Variants in VPS36 observed in about 807,000 individuals in gnomAD.
VPS36 encodes the protein vacuolar protein sorting 36 homolog.
VPS36 carries 31 observed loss-of-function variants against 63.5 expected under a neutral mutation model. The observed-to-expected ratio is 0.49, with a 90% CI of 0.37 to 0.66. VPS36 has a LOEUF of 0.66. VPS36 is among the 30% of genes least tolerant of loss of function. VPS36 has a pLI of 0.00. For missense variants in VPS36, 338 were observed against 463.7 expected, an observed-to-expected ratio of 0.73 and a Z score of 2.49; for synonymous variants, 138 against 157.2, an observed-to-expected ratio of 0.88 and a Z score of 0.91.
At chr13:52,436,060 T>A (rs1028614471) in intron 4 of VPS36, 3 of 401,640 alleles carry the variant, frequency 7.5e-6, no homozygotes, top group African/African-American at 6.0e-5. Flanking sequence ...TGTTCCTTCC[T>A]TGGGAACACA....
intron 6 of VPS36, among the ~76,000 whole-genome samples, chr13:52,428,463 A>G (rs1295757958): frequency 6.6e-6 from 1 of 152,172 alleles, no homozygotes; most frequent in Admixed American, 6.5e-5. Context: ...CTTATGGCCA[A>G]CTCACTAAGG....
rs567274980 is a variant in VPS36, at chr13:52,423,903, G to A, written c.775-264C>T. ...GATGGAGTTTCTCTCTGTCACCCAG[G>A]CCAGAGTGCAGTGGTACAATCTCAG... is the stretch of plus-strand genomic sequence containing the variant. On this transcript the variant is annotated intron_variant, in intron 9 of 13. Transcript: ENST00000378060. Among the ~76,000 whole-genome samples, 132 of 151,714 alleles carry A rather than the reference G, an allele frequency of 8.7e-4. 6 individuals are homozygous for A. The South Asian group carries it at 0.025, about 29-fold the overall frequency.
At chr13:52,439,392 C>G (rs1376707177) in intron 2 of VPS36, among the ~76,000 whole-genome samples, 1 of 152,024 alleles carries the variant, frequency 6.6e-6, no homozygotes, top group Non-Finnish European at 1.5e-5. Context: ...TTAAAAGAAG[C>G]TGTAACTAGC....
At chr13:52,443,440 A>C (rs1958301410) in intron 1 of VPS36, among the ~76,000 whole-genome samples, 1 of 152,164 alleles carries the variant, frequency 6.6e-6, no homozygotes, top group Non-Finnish European at 1.5e-5. Context: ...AAGAAGAGGA[A>C]GAGACAGGAG....
Position 52,416,035 on chromosome 13 carries a change from A to G in VPS36, c.1049T>C (p.Val350Ala), listed in dbSNP as rs1360048118. ...TACTTACCTTTCTTTGGCTAGGAGG[A>G]CAGACATTCCCACAAGCTTAGCAAA... ...EEFAKLVGMS[V>A]LLAKERLLLA... Residue 350 changes from valine (V) to alanine (A), a missense_variant, in exon 13 of 14, where the codon GTC becomes GCC. Val to Ala is a moderately conservative substitution (Grantham distance 64). Transcript: ENST00000378060. 2 of 1,613,950 alleles carry G rather than the reference A, an allele frequency of 1.2e-6. No homozygotes were observed. Among genetic ancestry groups the G allele is most frequent in the South Asian group, 1.1e-5 (1 of 91,060 alleles).
chr13:52,427,520 T>G (rs1175161462), intron 6 of VPS36, among the ~76,000 whole-genome samples: 1 of 151,492 alleles, frequency 6.6e-6, no homozygotes, highest in Non-Finnish European at 1.5e-5. Context: ...GGCAGGAGAA[T>G]GGCGTTAACC....
At chr13:52,416,309 G>A (rs1315799580) in intron 12 of VPS36, 14 of 532,992 alleles carry the variant, frequency 2.6e-5, no homozygotes, top group Non-Finnish European at 6.6e-6. Flanking sequence ...AGACATAGTA[G>A]AGGCTCAAAT....
chr13:52,448,094 T>C (rs1234660067), intron 1 of VPS36, among the ~76,000 whole-genome samples: 1 of 152,172 alleles, frequency 6.6e-6, no homozygotes, highest in Non-Finnish European at 1.5e-5. Context: ...AGCTAGGAGA[T>C]ACAAGGATGA....
intron 1 of VPS36, among the ~76,000 whole-genome samples, chr13:52,443,904 T>C (rs557082858): frequency 6.6e-6 from 1 of 152,172 alleles, no homozygotes; most frequent in Non-Finnish European, 1.5e-5. Context: ...TATTGGAAGC[T>C]ATTAACTCGA....
intron 10 of VPS36, among the ~76,000 whole-genome samples, chr13:52,422,187 G>T (rs779284161): frequency 9.9e-5 from 15 of 152,026 alleles, no homozygotes; most frequent in Non-Finnish European, 2.1e-4. Flanking sequence ...AGCTTTTTTA[G>T]CTCGCACATG....
chr13:52,450,205 T>C (rs1296361036), intron 1 of VPS36: 5 of 1,050,158 alleles, frequency 4.8e-6, no homozygotes, highest in Non-Finnish European at 5.7e-6. Flanking sequence ...ACTGCAGCTG[T>C]GCGCTCCCGG....
intron 6 of VPS36, 31 bp from the exon 7 acceptor site, chr13:52,427,250 C>A: frequency 6.2e-7 from 1 of 1,604,100 alleles, no homozygotes; most frequent in Non-Finnish European, 8.5e-7. Context: ...TGGTTGAAAT[C>A]CATCTAAAGA....
At chr13:52,424,938 A>T (rs1958084279) in intron 9 of VPS36, among the ~76,000 whole-genome samples, 1 of 151,622 alleles carries the variant, frequency 6.6e-6, no homozygotes, top group African/African-American at 2.4e-5. Context: ...CAGTGAGCTG[A>T]GATTGCGCCA....
intron 6 of VPS36, among the ~76,000 whole-genome samples, chr13:52,432,725 C>T (rs917272744): frequency 1.1e-4 from 17 of 152,122 alleles, no homozygotes; most frequent in Admixed American, 9.2e-4. Context: ...ATCCAGCTGC[C>T]AATTTGGGGA....
At chr13:52,437,929 CA>C (rs369189627) in intron 3 of VPS36, among the ~76,000 whole-genome samples, 217 of 126,764 alleles carry the variant, frequency 1.7e-3, no homozygotes, top group Middle Eastern at 4.3e-3. Flanking sequence ...GACGCTGCCT[CA>C]AAAAAAAAAA....
intron 3 of VPS36, among the ~76,000 whole-genome samples, chr13:52,438,283 A>G (rs1594121687): frequency 6.6e-6 from 1 of 152,102 alleles, no homozygotes; most frequent in Non-Finnish European, 1.5e-5. Context: ...AGAACAACCT[A>G]CCCTAAAAAT....
intron 1 of VPS36, among the ~76,000 whole-genome samples, chr13:52,449,475 C>CA (rs1958377801): frequency 6.6e-6 from 1 of 152,184 alleles, no homozygotes; most frequent in Admixed American, 6.5e-5. Flanking sequence ...CTAAGAGAGT[C>CA]AGAGGACCTG....
At chr13:52,436,523 C>A in intron 3 of VPS36, 119 bp from the exon 4 acceptor site, 1 of 712,988 alleles carries the variant, frequency 1.4e-6, no homozygotes. Flanking sequence ...AAACAAACAT[C>A]CCAAAAAGCA....
In VPS36 at chr13:52,427,009, CTTGT is replaced by C. The variant is rs773930818; in HGVS notation, c.615_618del (p.Gln206ValfsTer16). ...TTTACCTCATCTTCTGTGATGTCAC[CTTGT>C]TTGTCTTTAATTTTATTAGCAATTG... is the stretch of plus-strand genomic sequence containing the variant. On this transcript the variant is annotated frameshift_variant, in exon 8 of 14. Coordinates refer to ENST00000378060, the MANE Select transcript of VPS36 (RefSeq NM_016075.4). LOFTEE classifies it high-confidence loss of function. The C allele has an allele frequency of 5.3e-5, 85 of 1,612,382 alleles. No individual in the cohort carries two copies. The highest frequency in any genetic ancestry group is 9.3e-6 in the Non-Finnish European group (11 of 1,179,452).
Sources: gnomAD v4.1 joint callset for allele counts (sites outside exome capture counted in the v4.1 genomes callset) on GRCh38, gnomAD v4.1.1 for gene constraint, MANE v1.5 for transcripts, NCBI Gene and HGNC (gene_info 2026-07-23, HGNC 2026-07-21) for gene names.